PTPRS: variants seen among roughly 807,000 people sequenced by gnomAD.
The protein encoded by PTPRS is receptor-type tyrosine-protein phosphatase S.
In PTPRS, 63 loss-of-function variants were observed where a neutral mutation model predicts 215.3. That is an observed-to-expected ratio of 0.29 (90% CI 0.24 to 0.36). The LOEUF (loss-of-function observed/expected upper bound fraction) is 0.36, where lower values mean the gene tolerates loss of function less well. Among genes scored for constraint, PTPRS ranks in the 10% least tolerant of loss-of-function variants. The pLI is 1.00. For missense variants in PTPRS, 2,258 were observed against 2,825.8 expected, an observed-to-expected ratio of 0.80 and a Z score of 4.56; for synonymous variants, 1,404 against 1,191.4, an observed-to-expected ratio of 1.18 and a Z score of -3.68.
chr19:5,272,680 G>A (rs890547172), intron 4 of PTPRS, among the ~76,000 whole-genome samples: 6 of 148,168 alleles, frequency 4.0e-5, no homozygotes, highest in Admixed American at 1.4e-4. Context: ...CTGCAGGCCC[G>A]TGTGAATGTC....
chr19:5,307,366 A>C, intron 1 of PTPRS, among the ~76,000 whole-genome samples: 1 of 152,170 alleles, frequency 6.6e-6, no homozygotes, highest in East Asian at 1.9e-4. Context: ...ACAGTACAAG[A>C]GGTCAAATAA....
chr19:5,207,498 C>G (rs771768020), intron 37 of PTPRS, among the ~76,000 whole-genome samples: 15 of 152,210 alleles, frequency 9.9e-5, no homozygotes, highest in Non-Finnish European at 2.1e-4. Flanking sequence ...TGAGCTGCCA[C>G]GCCGGGTCCC....
chr19:5,220,500 G>C, intron 20 of PTPRS, 147 bp from the exon 21 acceptor site: 2 of 704,110 alleles, frequency 2.8e-6, no homozygotes, highest in Non-Finnish European at 4.8e-6. Context: ...ATCCACAAAC[G>C]CCACAGTTGC....
chr19:5,227,413 AT>A (rs55762769), intron 16 of PTPRS, among the ~76,000 whole-genome samples: 88,771 of 134,892 alleles, frequency 0.66, 28,826 homozygotes, highest in African/African-American at 0.75. Context: ...AGCTGTAACA[AT>A]TTTTTTTTTT....
chr19:5,230,653 G>A (rs1277419462), intron 14 of PTPRS, among the ~76,000 whole-genome samples: 1 of 152,152 alleles, frequency 6.6e-6, no homozygotes, highest in Non-Finnish European at 1.5e-5. Context: ...GAGGAATGGG[G>A]TCTCACTATG....
In PTPRS at chr19:5,244,488, G is replaced by A. The variant is rs1298498432; in HGVS notation, c.989-6C>T. ...CCCGGGAGCTTTGGGGAGAGCTGTG[G>A]GCAGGAGGCAGCTGTGTCACGCATT... On this transcript the variant is annotated splice_region_variant and splice_polypyrimidine_tract_variant and intron_variant, in intron 10 of 37. Transcript: ENST00000262963. This position sits in a 1 kb window ranked among gnomAD's most constrained non-coding sequence, Gnocchi z 7.2. The A allele has an allele frequency of 5.0e-6, 8 of 1,610,260 alleles. No individual in the cohort carries two copies. The highest frequency in any genetic ancestry group is 4.2e-6 in the Non-Finnish European group (5 of 1,177,742).
intron 2 of PTPRS, among the ~76,000 whole-genome samples, chr19:5,285,525 A>T (rs1005616813): frequency 2.6e-5 from 4 of 152,192 alleles, no homozygotes; most frequent in African/African-American, 9.7e-5. Context: ...CCCAGTCCCA[A>T]TGCCCTTTTT....
rs567774081 is a variant in PTPRS at position 5,244,091 on chromosome 19, G to A, written c.1380C>T (p.Tyr460=). The change falls in exon 11 of 38, where the codon TAC becomes TAT. Residue 460 remains tyrosine, a synonymous_variant. Coordinates refer to ENST00000262963, the MANE Select transcript of PTPRS (RefSeq NM_002850.4). This position sits in a 1 kb window ranked among gnomAD's most constrained non-coding sequence, Gnocchi z 7.2. ...CCGGTTCCATGGTGTAGTAGACGCG[G>A]TAGCCGCGGATCAGGCCGTTGGGCT... The part of the protein sequence containing the change: ...PVEPNGLIRG[Y]RVYYTMEPEH... The A allele has an allele frequency of 2.9e-5, 46 of 1,610,048 alleles. 3 individuals carry two copies. The highest frequency in any genetic ancestry group is 2.0e-4 in the South Asian group (18 of 90,968).
At chr19:5,333,109 G>A (rs967027344) in intron 1 of PTPRS, among the ~76,000 whole-genome samples, 7 of 151,912 alleles carry the variant, frequency 4.6e-5, no homozygotes, top group South Asian at 2.1e-4. Context: ...AGATCACGCC[G>A]TTGCACTCCA....
chr19:5,251,057 C>A, intron 9 of PTPRS: 1 of 157,658 alleles, frequency 6.3e-6, no homozygotes, highest in Non-Finnish European at 1.3e-5. Flanking sequence ...GGAGAGATGC[C>A]AAGAAATTGT....
chr19:5,226,114 G>A (rs575076965), intron 16 of PTPRS, among the ~76,000 whole-genome samples: 1 of 152,208 alleles, frequency 6.6e-6, no homozygotes, highest in East Asian at 1.9e-4. Flanking sequence ...CATCACCCCC[G>A]ACAGTCTGTC....
chr19:5,336,135 A>G (rs1024978086), intron 1 of PTPRS, among the ~76,000 whole-genome samples: 1 of 151,774 alleles, frequency 6.6e-6, no homozygotes, highest in African/African-American at 2.4e-5. Context: ...TGATTTTTCA[A>G]ATTCCCCACA....
At chr19:5,247,919 G>C (rs1000156133) in intron 9 of PTPRS, among the ~76,000 whole-genome samples, 1 of 151,800 alleles carries the variant, frequency 6.6e-6, no homozygotes, top group Non-Finnish European at 1.5e-5. Flanking sequence ...TCCAGAAGTC[G>C]CACTGGAGAC....
chr19:5,304,438 T>C (rs965847565), intron 1 of PTPRS, among the ~76,000 whole-genome samples: 7 of 151,070 alleles, frequency 4.6e-5, no homozygotes, highest in African/African-American at 9.7e-5. Context: ...GATCACACCA[T>C]TGCACTCCAG....
chr19:5,210,703 C>T lies in PTPRS; in HGVS notation c.5337G>A (p.Leu1779=), dbSNP rs759512233. 1 of 1,614,200 alleles carries T rather than the reference C, an allele frequency of 6.2e-7. No homozygotes were observed. Among genetic ancestry groups the T allele is most frequent in the Admixed American group, 1.7e-5 (1 of 60,036 alleles). Residue 1779 remains leucine (L), a synonymous_variant, in exon 34 of 38, where the codon CTG becomes CTA. Transcript: ENST00000262963. This position sits in a 1 kb window ranked among gnomAD's most constrained non-coding sequence, Gnocchi z 4.5. The part of the protein sequence containing the change: ...WENNSTIVVM[L]TKLREMGREK... ...CCCGGCCCATCTCCCGCAGCTTGGT[C>T]AGCATCACCACGATCGTCGAATTGT...
At chr19:5,222,333 C>T in intron 18 of PTPRS, 113 bp from the exon 19 acceptor site, 1 of 874,932 alleles carries the variant, frequency 1.1e-6, no homozygotes, top group Non-Finnish European at 1.8e-6. Flanking sequence ...TCCCTGTCGT[C>T]CGCTGTGCCC....
Position 5,295,481 on chromosome 19 carries a change from T to G in PTPRS, c.-94-9247A>C, listed in dbSNP as rs928215144. 6.6e-6 allele frequency among the ~76,000 whole-genome samples: 1 copy of G among 151,948 alleles called. No homozygotes were observed. Among genetic ancestry groups the G allele is most frequent in the Non-Finnish European group, 1.5e-5 (1 of 67,930 alleles). ...TGGGCCAGGTGCCCTCCCCCTTGGC[T>G]GGGTGGCCCCATCAGCACAGAGCCC... On this transcript the variant is annotated intron_variant, in intron 1 of 37. Transcript: ENST00000262963. This position sits in a 1 kb window ranked among gnomAD's most constrained non-coding sequence, Gnocchi z 4.6.
At chr19:5,248,480 C>T (rs558912342) in intron 9 of PTPRS, among the ~76,000 whole-genome samples, 1 of 152,204 alleles carries the variant, frequency 6.6e-6, no homozygotes, top group Middle Eastern at 3.4e-3. Context: ...CGCCCTCCCC[C>T]TGGCAGAACA....
intron 37 of PTPRS, 29 bp from the exon 38 acceptor site, chr19:5,206,871 C>T (rs764153957): frequency 2.5e-6 from 4 of 1,607,262 alleles, no homozygotes; most frequent in African/African-American, 2.7e-5. Flanking sequence ...CCTGTTAGTA[C>T]CTCCGCTGCT....
Sources: allele counts gnomAD v4.1 joint callset (sites outside exome capture counted in the v4.1 genomes callset), GRCh38; gene constraint gnomAD v4.1.1; non-coding constraint Gnocchi (gnomAD v3.1); transcripts MANE v1.5; gene names NCBI Gene and HGNC (gene_info 2026-07-23, HGNC 2026-07-21).